The following HDC variants were observed in gnomAD, a reference collection of about 807,000 sequenced individuals.
HDC encodes the protein histidine decarboxylase.
In HDC, 27 loss-of-function variants were observed where a neutral mutation model predicts 64.4. The ratio of observed to expected loss-of-function variants is 0.42; its 90% CI spans 0.31 to 0.58. The LOEUF is 0.58. Ranked by LOEUF, HDC falls within the 20% of genes least tolerant of loss-of-function variation. The probability of loss-of-function intolerance (pLI) is 0.16; values close to 1 mark genes in which losing one functional copy is unlikely to be tolerated. For missense variants in HDC, 711 were observed against 833.9 expected, an observed-to-expected ratio of 0.85 and a Z score of 1.81; for synonymous variants, 305 against 314.2, an observed-to-expected ratio of 0.97 and a Z score of 0.31.
rs1595707439 is a variant in HDC, at chr15:50,254,608, G to T, written c.498C>A (p.Ile166=). The part of the protein sequence containing the change: ...IALLAARKNK[I]LEMKTSEPDA... ...CGGGCTCAGACGTTTTCATTTCCAG[G>T]ATTTTGTTCTTCCTTGCTGCCAGCA... is the stretch of plus-strand genomic sequence containing the variant. The change falls in exon 5 of 12, where the codon ATC becomes ATA. Residue 166 remains isoleucine (I), a synonymous_variant. Transcript: ENST00000267845. 6.2e-7 allele frequency: 1 copy of T among 1,614,198 alleles called. No individual in the cohort carries two copies. The highest frequency in any genetic ancestry group is 2.2e-5 in the East Asian group (1 of 44,886).
chr15:50,260,011 T>A (rs1223091873), intron 2 of HDC, among the ~76,000 whole-genome samples: 1 of 148,490 alleles, frequency 6.7e-6, no homozygotes, highest in Non-Finnish European at 1.5e-5. Context: ...TGGGTCTCTT[T>A]TGAGATTCAT....
chr15:50,243,084 G>T lies in HDC; in HGVS notation c.1242+59C>A, dbSNP rs544897611. On this transcript the variant is annotated intron_variant, in intron 11 of 11. Coordinates refer to ENST00000267845, the MANE Select transcript of HDC (RefSeq NM_002112.4). ...CCCAGAGCCCAGCATTTGTGTTTCC[G>T]AGAGGCTCTGGAGCACCACAAGACA... 34 of 1,613,112 alleles carry T rather than the reference G, an allele frequency of 2.1e-5. 1 individual carries two copies. The East Asian group carries it at 6.9e-4, about 33-fold the overall frequency.
In HDC at chr15:50,257,499, A is replaced by G; in HGVS notation, c.367T>C (p.Leu123=). The change falls in exon 4 of 12, where the codon TTG becomes CTG. Residue 123 remains leucine, a synonymous_variant. Coordinates refer to ENST00000267845, the MANE Select transcript of HDC (RefSeq NM_002112.4). The part of the protein sequence containing the change: ...TELEMNVMDW[L]AKMLGLPEHF... ...TCTGGAAGTCCCAGCATTTTTGCCA[A>G]CCAGTCCATGACGTTCATCTCCAGC... The G allele has an allele frequency of 6.2e-7, 1 of 1,614,200 alleles. No individual in the cohort carries two copies. The highest frequency in any genetic ancestry group is 8.5e-7 in the Non-Finnish European group (1 of 1,180,024).
rs769903015 is a variant in HDC, at chr15:50,263,339, C to T, written c.100G>A (p.Val34Met). The stretch of plus-strand genomic sequence containing the variant: ...TGGGCTCGCAGGTAGCCAGGCTGCA[C>T]GTCTGGCGTCACACGTCTCTCCCGC... ...TVRERRVTPD[V>M]QPGYLRAQLP... is the part of the protein sequence containing the mutation. The change falls in exon 2 of 12, where the codon GTG becomes ATG. Residue 34 changes from valine to methionine, a missense_variant. By Grantham distance (21) the Val-to-Met change is conservative (BLOSUM62 1). Around this residue, in one of 3 missense-constraint regions of HDC, gnomAD observed 225 missense variants for 276.2 expected, o/e 0.81. Transcript: ENST00000267845. 30 of 1,613,760 alleles carry T rather than the reference C, an allele frequency of 1.9e-5. No homozygotes were observed. Among genetic ancestry groups the T allele is most frequent in the Non-Finnish European group, 2.3e-5 (27 of 1,179,774 alleles).
intron 9 of HDC, among the ~76,000 whole-genome samples, chr15:50,250,747 C>A (rs2045543557): frequency 6.6e-6 from 1 of 152,106 alleles, no homozygotes; most frequent in South Asian, 2.1e-4. Context: ...TTTAATTTTT[C>A]ATTAAAAATC....
chr15:50,246,655 G>T (rs28709471), intron 10 of HDC, among the ~76,000 whole-genome samples: 6,126 of 152,204 alleles, frequency 0.04, 424 homozygotes, highest in African/African-American at 0.14. Context: ...TAGGCAATGG[G>T]GTTGCTAATA....
chr15:50,257,603 C>CA, intron 3 of HDC, 56 bp from the exon 4 acceptor site: 1 of 1,599,060 alleles, frequency 6.3e-7, no homozygotes, highest in Non-Finnish European at 8.6e-7. Flanking sequence ...GAGGTGCCCC[C>CA]ACGAGCTCCA....
chr15:50,254,365 A>C, intron 5 of HDC, 92 bp from the exon 6 acceptor site: 1 of 1,553,756 alleles, frequency 6.4e-7, no homozygotes, highest in Non-Finnish European at 8.9e-7. Context: ...GGAACCAAAT[A>C]TGATCATTGG....
rs748624520 is a variant in HDC, at chr15:50,254,580, C to T, written c.526G>A (p.Ala176Thr). Residue 176 changes from alanine to threonine, a missense_variant, in exon 5 of 12, where the codon GCT becomes ACT. Coordinates refer to ENST00000267845, the MANE Select transcript of HDC (RefSeq NM_002112.4). ...CGGGCATTTAGGCAGGACTCATCAG[C>T]ATCGGGCTCAGACGTTTTCATTTCC... ...ILEMKTSEPD[A>T]DESCLNARLV... The T allele has an allele frequency of 6.2e-7, 1 of 1,614,260 alleles. No individual in the cohort carries two copies. The highest frequency in any genetic ancestry group is 1.1e-5 in the South Asian group (1 of 91,086).
intron 10 of HDC, chr15:50,244,831 A>G (rs2045456427): frequency 6.6e-6 from 1 of 152,146 alleles, no homozygotes; most frequent in South Asian, 2.1e-4. Flanking sequence ...ATAGCACACC[A>G]TAGCCCAGAA....
chr15:50,253,947 G>C lies in HDC; in HGVS notation c.720+183C>G, dbSNP rs1354952723. The C allele has an allele frequency of 8.6e-6, 6 of 696,740 alleles. No individual in the cohort carries two copies. In the Admixed American group the frequency reaches 9.2e-5, roughly 11 times the overall value. The allele number at this position is 696,740 out of a possible 1,614,324, so 43.2% of individuals were successfully genotyped here. On this transcript the variant is annotated intron_variant, in intron 6 of 11. Coordinates refer to ENST00000267845, the MANE Select transcript of HDC (RefSeq NM_002112.4). Reference sequence around the variant, plus strand: ...TATACTATATTTCTTTTTAATGCTGGTTATGACCCACAAAATTTATTCCAT... The same window carrying C: ...TATACTATATTTCTTTTTAATGCTGCTTATGACCCACAAAATTTATTCCAT...
intron 9 of HDC, among the ~76,000 whole-genome samples, chr15:50,249,126 A>G (rs946270408): frequency 1.3e-5 from 2 of 152,150 alleles, no homozygotes; most frequent in African/African-American, 4.8e-5. Context: ...GAGCACCCAA[A>G]TTTCTGCCGC....
chr15:50,263,131 G>A (rs1018215568), intron 2 of HDC, 104 bp downstream of exon 2: 18 of 1,158,286 alleles, frequency 1.6e-5, no homozygotes, highest in Non-Finnish European at 2.3e-5. Context: ...GCTGAAGGAT[G>A]CATTCTCATC....
chr15:50,261,623 CAAA>C (rs11418562), intron 2 of HDC, among the ~76,000 whole-genome samples: 1 of 95,056 alleles, frequency 1.1e-5, no homozygotes. Context: ...TCTATTGCTT[CAAA>C]AAAAAAAAAA....
chr15:50,247,681 T>G (rs896115545), intron 10 of HDC, among the ~76,000 whole-genome samples: 1 of 152,204 alleles, frequency 6.6e-6, no homozygotes, highest in African/African-American at 2.4e-5. Flanking sequence ...CTCATTTACC[T>G]CTGTGTCCCT....
chr15:50,248,164 C>A lies in HDC; in HGVS notation c.1140+81G>T. 1.0e-6 allele frequency: 1 copy of A among 983,400 alleles called. No homozygotes were observed. Among genetic ancestry groups the A allele is most frequent in the Non-Finnish European group, 1.6e-6 (1 of 620,340 alleles). The allele number at this position is 983,400 out of a possible 1,614,324, so 60.9% of individuals were successfully genotyped here. ...CACACCGCAAGTCTCCTAGGCAGAT[C>A]TGCAAAGTAGAAACCAGCCTTCCTC... On this transcript the variant is annotated intron_variant, in intron 10 of 11. Coordinates refer to ENST00000267845, the MANE Select transcript of HDC (RefSeq NM_002112.4). The surrounding 1 kb of genome is among the most constrained non-coding windows in gnomAD (Gnocchi z 4.3).
intron 2 of HDC, among the ~76,000 whole-genome samples, chr15:50,260,243 G>A (rs988779937): frequency 9.2e-5 from 14 of 151,952 alleles, no homozygotes; most frequent in African/African-American, 2.9e-4. Context: ...GGCTAGTCTC[G>A]AACTCCTGAC....
At chr15:50,250,432 T>C (rs1567448675) in intron 9 of HDC, among the ~76,000 whole-genome samples, 2 of 152,004 alleles carry the variant, frequency 1.3e-5, no homozygotes, top group African/African-American at 2.4e-5. Flanking sequence ...GAGGTAAAAA[T>C]AATAAGGTTC....
At position 50,263,340 on chromosome 15, in the gene HDC, G is replaced by A. The variant is rs762681379; in HGVS notation, c.99C>T (p.Asp33=). 4.6e-5 allele frequency: 75 copies of A among 1,614,030 alleles called. No individual in the cohort carries two copies. Among genetic ancestry groups the A allele is most frequent in the South Asian group, 3.1e-4 (28 of 91,090 alleles). Residue 33 remains aspartate (D), a synonymous_variant, in exon 2 of 12, where the codon GAC becomes GAT. Transcript: ENST00000267845. ...STVRERRVTP[D]VQPGYLRAQL... is the part of the protein sequence containing the mutation. ...GGGCTCGCAGGTAGCCAGGCTGCAC[G>A]TCTGGCGTCACACGTCTCTCCCGCA... is the stretch of plus-strand genomic sequence containing the variant.
Sources: allele counts gnomAD v4.1 joint callset (sites outside exome capture counted in the v4.1 genomes callset), GRCh38; gene constraint gnomAD v4.1.1; regional missense constraint gnomAD v4.1.1; non-coding constraint Gnocchi (gnomAD v3.1); transcripts MANE v1.5; gene names NCBI Gene and HGNC (gene_info 2026-07-23, HGNC 2026-07-21).